Variants in RGS17 observed in about 807,000 individuals in gnomAD.
The protein encoded by RGS17 is regulator of G protein signaling 17, also known as regulator of G-protein signaling 17.
In RGS17, 12 loss-of-function variants were observed where a neutral mutation model predicts 25.5. The observed-to-expected ratio is 0.47, with a 90% CI of 0.30 to 0.76. The LOEUF (loss-of-function observed/expected upper bound fraction) is 0.76. RGS17 is among the 30% of genes least tolerant of loss of function. The pLI, the probability that RGS17 is intolerant of heterozygous loss-of-function variation, is 0.07. For missense variants in RGS17, 196 were observed against 242.2 expected, an observed-to-expected ratio of 0.81 and a Z score of 1.27; for synonymous variants, 71 against 76.9, an observed-to-expected ratio of 0.92 and a Z score of 0.40.
chr6:153,024,645 A>T lies in RGS17; in HGVS notation c.210-149T>A, dbSNP rs928263116. Reference sequence around the variant, plus strand: ...CCACTCAGTCCAGCCTGATGTGCCAAATAAGTATCTGTCAGGACTACGTCA... The same window carrying T: ...CCACTCAGTCCAGCCTGATGTGCCATATAAGTATCTGTCAGGACTACGTCA... On this transcript the variant is annotated intron_variant, in intron 3 of 4. Coordinates refer to ENST00000206262, the MANE Select transcript of RGS17 (RefSeq NM_012419.5). 9.5e-6 allele frequency: 6 copies of T among 634,128 alleles called. No homozygotes were observed. The Admixed American group carries it at 1.7e-4, about 18-fold the overall frequency. 39.3% of individuals were successfully genotyped at this position (634,128 alleles called of 1,614,324 possible).
intron 1 of RGS17, among the ~76,000 whole-genome samples, chr6:153,075,131 TA>T (rs1289314383): frequency 6.6e-6 from 1 of 152,206 alleles, no homozygotes; most frequent in Non-Finnish European, 1.5e-5. Context: ...TTTGCAAAGA[TA>T]AATTAGGTAA....
At chr6:153,058,243 T>C (rs961100019) in intron 1 of RGS17, among the ~76,000 whole-genome samples, 3 of 152,180 alleles carry the variant, frequency 2.0e-5, no homozygotes, top group Non-Finnish European at 4.4e-5. Flanking sequence ...TGTGGTTCAG[T>C]GTTTTAGTGC....
chr6:153,113,732 C>G (rs1284006066), intron 1 of RGS17, among the ~76,000 whole-genome samples: 1 of 152,176 alleles, frequency 6.6e-6, no homozygotes, highest in Non-Finnish European at 1.5e-5. Flanking sequence ...CAAACAGTCT[C>G]TAGACCACAG....
chr6:153,038,116 T>C (rs952010090), intron 2 of RGS17, among the ~76,000 whole-genome samples: 4 of 152,216 alleles, frequency 2.6e-5, no homozygotes, highest in African/African-American at 4.8e-5. Context: ...TTTGAGTTTT[T>C]TGTCCGGGTC....
At chr6:153,037,926 T>A (rs1304108700) in intron 2 of RGS17, among the ~76,000 whole-genome samples, 2 of 151,868 alleles carry the variant, frequency 1.3e-5, no homozygotes, top group African/African-American at 4.8e-5. Context: ...GGTTGGTGAG[T>A]CAAACTCTGA....
At chr6:153,066,915 C>T (rs1286518900) in intron 1 of RGS17, among the ~76,000 whole-genome samples, 3 of 151,962 alleles carry the variant, frequency 2.0e-5, no homozygotes, top group Non-Finnish European at 4.4e-5. Context: ...TGGTGGGCAC[C>T]TGTAGTCCCA....
At chr6:153,014,131 G>A (rs942862899) in intron 4 of RGS17, among the ~76,000 whole-genome samples, 1 of 152,154 alleles carries the variant, frequency 6.6e-6, no homozygotes, top group African/African-American at 2.4e-5. Flanking sequence ...GCTGTTAAGG[G>A]CTAATACTAA....
intron 1 of RGS17, among the ~76,000 whole-genome samples, chr6:153,064,007 A>G (rs1443250333): frequency 6.6e-6 from 1 of 152,202 alleles, no homozygotes; most frequent in African/African-American, 2.4e-5. Context: ...AATATCCTTC[A>G]AACATGAAGG....
At chr6:153,054,060 A>AT (rs1414506647) in intron 1 of RGS17, among the ~76,000 whole-genome samples, 1 of 58,750 alleles carries the variant, frequency 1.7e-5, no homozygotes, top group Non-Finnish European at 3.1e-5. Flanking sequence ...TGTATATAAT[A>AT]TATATACATA....
intron 4 of RGS17, among the ~76,000 whole-genome samples, chr6:153,018,903 T>C (rs1779211438): frequency 6.6e-6 from 1 of 152,252 alleles, no homozygotes; most frequent in East Asian, 1.9e-4. Flanking sequence ...TTGAATGTGC[T>C]AAATTCACAT....
intron 2 of RGS17, among the ~76,000 whole-genome samples, chr6:153,027,169 A>C (rs1779311990): frequency 6.6e-6 from 1 of 152,154 alleles, no homozygotes; most frequent in Non-Finnish European, 1.5e-5. Context: ...CATTTGGAAC[A>C]GGTGAGCATT....
In RGS17 at chr6:153,006,938, T is replaced by TGG. The variant is rs1562309927; in HGVS notation, c.*4635_*4636insCC. 6.6e-6 allele frequency: 1 copy of TGG among 152,226 alleles called. No homozygotes were observed. Among genetic ancestry groups the TGG allele is most frequent in the Non-Finnish European group, 1.5e-5 (1 of 68,030 alleles). The allele number at this position is 152,226 out of a possible 1,614,324, so 9.4% of individuals were successfully genotyped here. On this transcript the variant is annotated 3_prime_UTR_variant, in exon 5 of 5. Coordinates refer to ENST00000206262, the MANE Select transcript of RGS17 (RefSeq NM_012419.5). ...CCCTAAGTGAATCTGTGGACATACA[T>TGG]TTCCATTAGTAACCTTACTCATCTT... is the stretch of plus-strand genomic sequence containing the variant.
intron 1 of RGS17, among the ~76,000 whole-genome samples, chr6:153,111,600 C>T (rs190175675): frequency 5.4e-4 from 82 of 152,298 alleles, no homozygotes; most frequent in Admixed American, 2.2e-3. Flanking sequence ...GCTAAGGGAC[C>T]GACTGCCTCC....
intron 4 of RGS17, among the ~76,000 whole-genome samples, chr6:153,015,131 G>C (rs1052949801): frequency 6.6e-6 from 1 of 152,204 alleles, no homozygotes; most frequent in African/African-American, 2.4e-5. Flanking sequence ...AAACTCTAAA[G>C]AATAGGGGCT....
chr6:153,092,574 T>C (rs1457217629), intron 1 of RGS17, among the ~76,000 whole-genome samples: 1 of 152,142 alleles, frequency 6.6e-6, no homozygotes, highest in Non-Finnish European at 1.5e-5. Context: ...ACATGTACAA[T>C]TATATATGGC....
At chr6:153,067,309 TAG>T (rs1776724851) in intron 1 of RGS17, among the ~76,000 whole-genome samples, 1 of 151,894 alleles carries the variant, frequency 6.6e-6, no homozygotes, top group Non-Finnish European at 1.5e-5. Flanking sequence ...AAGTCCTGAG[TAG>T]AGCAATCAGA....
chr6:153,067,353 G>C (rs1387556655), intron 1 of RGS17, among the ~76,000 whole-genome samples: 1 of 152,044 alleles, frequency 6.6e-6, no homozygotes, highest in Admixed American at 6.6e-5. Context: ...ATTCGAATTG[G>C]AAAGGAAGAA....
chr6:153,037,088 T>C (rs1237795790), intron 2 of RGS17, among the ~76,000 whole-genome samples: 1 of 152,142 alleles, frequency 6.6e-6, no homozygotes, highest in Non-Finnish European at 1.5e-5. Flanking sequence ...CTTGACTTTA[T>C]ATCCCAGAAA....
Position 153,099,020 on chromosome 6 carries a change from CA to C in RGS17, c.-26+32103del, listed in dbSNP as rs368448294. ...TGGTTGTATCTCTTGTCCCCCCGTC[CA>C]AAAAAAATGTTTCCAGTGCCCCTTT... On this transcript the variant is annotated intron_variant, in intron 1 of 4. Coordinates refer to ENST00000206262, the MANE Select transcript of RGS17 (RefSeq NM_012419.5). Among the ~76,000 whole-genome samples the C allele has an allele frequency of 1.1e-3, 163 of 151,578 alleles. 1 individual carries two copies. The highest frequency in any genetic ancestry group is 3.6e-3 in the African/African-American group (148 of 41,366).
Sources: gnomAD v4.1 joint callset for allele counts (sites outside exome capture counted in the v4.1 genomes callset) on GRCh38, gnomAD v4.1.1 for gene constraint, MANE v1.5 for transcripts, NCBI Gene and HGNC (gene_info 2026-07-23, HGNC 2026-07-21) for gene names.